The following WWP2 variants were observed in gnomAD, a reference collection of about 807,000 sequenced individuals.
WWP2 encodes WW domain containing E3 ubiquitin protein ligase 2, also known as NEDD4-like E3 ubiquitin-protein ligase WWP2.
WWP2 carries 57 observed loss-of-function variants against 121.0 expected under a neutral mutation model. The observed-to-expected ratio is 0.47, with a 90% CI of 0.38 to 0.59. The LOEUF is 0.59. WWP2 is among the 20% of genes least tolerant of loss of function. The probability of loss-of-function intolerance (pLI) is 0.00; values close to 1 mark genes in which losing one functional copy is unlikely to be tolerated. For synonymous variants in WWP2, 449 were observed against 441.3 expected (o/e 1.02, Z -0.22); for missense variants, 962 against 1,158.9 (o/e 0.83, Z 2.47).
chr16:69,871,963 T>C (rs1262007692), intron 7 of WWP2, 32 bp downstream of exon 7: 1 of 1,600,806 alleles, frequency 6.2e-7, no homozygotes, highest in African/African-American at 1.3e-5. Context: ...CAGCCTGCAC[T>C]GAAGCTGTGG....
intron 1 of WWP2, among the ~76,000 whole-genome samples, chr16:69,765,269 C>T (rs2038703268): frequency 6.6e-6 from 1 of 151,954 alleles, no homozygotes; most frequent in South Asian, 2.1e-4. Flanking sequence ...TTAACCTTGA[C>T]TTGAAACCCA....
At position 69,929,518 on chromosome 16, in the gene WWP2, C is replaced by T; in HGVS notation, c.1305C>T (p.Pro435=). 1 of 1,614,126 alleles carries T rather than the reference C, an allele frequency of 6.2e-7. No individual in the cohort carries two copies. The highest frequency in any genetic ancestry group is 8.5e-7 in the Non-Finnish European group (1 of 1,179,994). Reference sequence around the variant, plus strand: ...CTCGCACGACCCAGTGGGAGGATCCCCGGACCCAGGGGTAAGGACTTGGGC... The same window carrying T: ...CTCGCACGACCCAGTGGGAGGATCCTCGGACCCAGGGGTAAGGACTTGGGC... ...HNTRTTQWED[P]RTQGMIQEPA... Residue 435 remains proline, a synonymous_variant, in exon 12 of 24, where the codon CCC becomes CCT. Coordinates refer to ENST00000359154, the MANE Select transcript of WWP2 (RefSeq NM_001270454.2).
intron 1 of WWP2, among the ~76,000 whole-genome samples, chr16:69,773,116 G>A (rs1291394949): frequency 2.0e-5 from 3 of 151,818 alleles, no homozygotes; most frequent in Non-Finnish European, 4.4e-5. Flanking sequence ...CTACTACTTT[G>A]TTTCCTTAGC....
At chr16:69,816,507 CTA>C (rs1482716513) in intron 4 of WWP2, among the ~76,000 whole-genome samples, 1 of 148,382 alleles carries the variant, frequency 6.7e-6, no homozygotes, top group Non-Finnish European at 1.5e-5. Flanking sequence ...CATATATACA[CTA>C]AATCATTCTT....
chr16:69,910,439 C>T (rs958703466), intron 9 of WWP2: 52 of 862,304 alleles, frequency 6.0e-5, no homozygotes, highest in East Asian at 1.2e-4. Flanking sequence ...GACGGAGTCT[C>T]GCTCTGTTGC....
In WWP2 at chr16:69,925,371, G is replaced by A. The variant is rs1204006679; in HGVS notation, c.1180-59G>A. On this transcript the variant is annotated intron_variant, in intron 10 of 23. Transcript: ENST00000359154. This position sits in a 1 kb window ranked among gnomAD's most constrained non-coding sequence, Gnocchi z 4.0. The stretch of plus-strand genomic sequence containing the variant: ...CATTTTTATTTTTTATTGATTGATT[G>A]ATTTTTTCACCAGTGGCTTTTTGTA... 3 of 1,589,530 alleles carry A rather than the reference G, an allele frequency of 1.9e-6. No individual in the cohort carries two copies. In the East Asian group the frequency reaches 6.7e-5, roughly 36 times the overall value.
intron 2 of WWP2, among the ~76,000 whole-genome samples, chr16:69,798,121 CCTG>C (rs1416210253): frequency 6.6e-6 from 1 of 152,164 alleles, no homozygotes; most frequent in African/African-American, 2.4e-5. Context: ...TGAATATTCT[CCTG>C]TAGCACTGAT....
chr16:69,807,483 G>T (rs2056302592), intron 4 of WWP2, among the ~76,000 whole-genome samples: 1 of 151,866 alleles, frequency 6.6e-6, no homozygotes, highest in Admixed American at 6.6e-5. Flanking sequence ...GCTAGGTGTG[G>T]TGGTGTGTGC....
intron 4 of WWP2, among the ~76,000 whole-genome samples, chr16:69,803,879 G>T (rs1024020791): frequency 6.6e-6 from 1 of 152,124 alleles, no homozygotes; most frequent in Non-Finnish European, 1.5e-5. Context: ...CTGCAGTCCA[G>T]CCTGGATGAC....
chr16:69,900,155 G>A (rs922935035), intron 8 of WWP2, among the ~76,000 whole-genome samples: 1 of 152,174 alleles, frequency 6.6e-6, no homozygotes, highest in Non-Finnish European at 1.5e-5. Context: ...TGTCCTAGAA[G>A]TAAAGTAGCT....
At chr16:69,895,320 C>T (rs1312217324) in intron 8 of WWP2, among the ~76,000 whole-genome samples, 1 of 152,220 alleles carries the variant, frequency 6.6e-6, no homozygotes, top group Non-Finnish European at 1.5e-5. Context: ...CTGCTCAAAA[C>T]TATTTGTGAG....
intron 8 of WWP2, among the ~76,000 whole-genome samples, chr16:69,891,170 C>T (rs1024439175): frequency 6.6e-6 from 1 of 152,122 alleles, no homozygotes; most frequent in Non-Finnish European, 1.5e-5. Context: ...CTGATGGAAG[C>T]CAGAGAGAGT....
At chr16:69,862,549 C>G (rs2057441663) in intron 6 of WWP2, among the ~76,000 whole-genome samples, 1 of 152,016 alleles carries the variant, frequency 6.6e-6, no homozygotes, top group Non-Finnish European at 1.5e-5. Flanking sequence ...CCATGCCTGG[C>G]CAGTAATCAG....
At chr16:69,893,417 G>A (rs1240066171) in intron 8 of WWP2, among the ~76,000 whole-genome samples, 2 of 151,886 alleles carry the variant, frequency 1.3e-5, no homozygotes, top group African/African-American at 4.8e-5. Flanking sequence ...CCTCTTTGAT[G>A]CCTCAAAGAA....
intron 7 of WWP2, among the ~76,000 whole-genome samples, chr16:69,879,828 A>G (rs749539069): frequency 2.6e-5 from 4 of 152,210 alleles, no homozygotes; most frequent in Non-Finnish European, 5.9e-5. Flanking sequence ...TGTTACATTT[A>G]TAAGTTTTCC....
intron 4 of WWP2, among the ~76,000 whole-genome samples, chr16:69,835,803 A>ATTTTTTTTTTTTTTTTTTTTTTTT (rs1253199055): frequency 7.7e-6 from 1 of 130,710 alleles, no homozygotes. Flanking sequence ...AACCAAAGTA[A>ATTTTTTTTTTTTTTTTTTTTTTTT]ATTTTTTTTT....
In WWP2 at chr16:69,798,925, C is replaced by T. The variant is rs1361069244; in HGVS notation, c.218+96C>T. The stretch of plus-strand genomic sequence containing the variant: ...GGGAGGTACAGATTCCCTGTGGCAC[C>T]TCCGACTTTTTCTACCTATGGTACC... On this transcript the variant is annotated intron_variant, in intron 3 of 23. Transcript: ENST00000359154. The T allele has an allele frequency of 2.0e-6, 3 of 1,525,306 alleles. No homozygotes were observed. The East Asian group carries it at 6.8e-5, about 34-fold the overall frequency. The allele number at this position is 1,525,306 out of a possible 1,614,324, so 94.5% of individuals were successfully genotyped here. A position where few individuals can be genotyped will look rare whatever the true frequency, so the allele number is the denominator to read the frequency against.
intron 16 of WWP2, chr16:69,933,057 C>T (rs754881694): frequency 1.6e-5 from 8 of 492,400 alleles, no homozygotes; most frequent in Non-Finnish European, 3.4e-5. Context: ...GCTTGGTGGG[C>T]TTCTGGTGTG....
At position 69,925,513 on chromosome 16, in the gene WWP2, T is replaced by G. The variant is rs750742176; in HGVS notation, c.1234+29T>G. Reference sequence around the variant, plus strand: ...AGTACTGAGTTCTCTTCCTGGCCCTTGGCCTTCCGTCAGCCACGGTGCTCT... The same window carrying G: ...AGTACTGAGTTCTCTTCCTGGCCCTGGGCCTTCCGTCAGCCACGGTGCTCT... On this transcript the variant is annotated intron_variant, in intron 11 of 23. Transcript: ENST00000359154. The surrounding 1 kb of genome is among the most constrained non-coding windows in gnomAD (Gnocchi z 4.0). 22 of 1,611,670 alleles carry G rather than the reference T, an allele frequency of 1.4e-5. No individual in the cohort carries two copies. In the East Asian group the frequency reaches 4.7e-4, roughly 34 times the overall value.
Sources: allele counts gnomAD v4.1 joint callset (sites outside exome capture counted in the v4.1 genomes callset), GRCh38; gene constraint gnomAD v4.1.1; non-coding constraint Gnocchi (gnomAD v3.1); transcripts MANE v1.5; gene names NCBI Gene and HGNC (gene_info 2026-07-23, HGNC 2026-07-21).